The following RCSD1 variants were observed in gnomAD, a reference collection of about 807,000 sequenced individuals.
RCSD1 encodes the protein RCSD domain containing 1, also known as capZ-interacting protein.
RCSD1 carries 26 observed loss-of-function variants against 42.5 expected under a neutral mutation model. The ratio of observed to expected loss-of-function variants is 0.61; its 90% CI spans 0.45 to 0.85. RCSD1 has a LOEUF of 0.85. Ranked by LOEUF, RCSD1 falls within the 40% of genes least tolerant of loss-of-function variation. RCSD1 has a pLI of 0.00. For missense variants in RCSD1, 571 were observed against 528.3 expected (o/e 1.08, Z -0.79); for synonymous variants, 220 against 212.2 (o/e 1.04, Z -0.32).
chr1:167,661,556 C>T (rs1313409695), intron 1 of RCSD1, among the ~76,000 whole-genome samples: 4 of 152,224 alleles, frequency 2.6e-5, no homozygotes, highest in East Asian at 3.8e-4. Context: ...GGCTGGAAGC[C>T]ACTAAGAGTG....
intron 1 of RCSD1, among the ~76,000 whole-genome samples, chr1:167,680,323 T>C (rs1659048156): frequency 6.6e-6 from 1 of 151,880 alleles, no homozygotes; most frequent in Admixed American, 6.6e-5. Flanking sequence ...CATCTGGGTA[T>C]GGTCCATGGG....
chr1:167,699,132 T>G (rs985476437), intron 6 of RCSD1, among the ~76,000 whole-genome samples: 1 of 152,122 alleles, frequency 6.6e-6, no homozygotes, highest in Non-Finnish European at 1.5e-5. Flanking sequence ...TCCACTTTTT[T>G]TTCCCCCTGC....
chr1:167,670,755 T>C (rs1051388350), intron 1 of RCSD1, among the ~76,000 whole-genome samples: 1 of 151,964 alleles, frequency 6.6e-6, no homozygotes, highest in African/African-American at 2.4e-5. Context: ...TAAATGACAC[T>C]CCTCTCCACC....
chr1:167,630,508 G>A, intron 1 of RCSD1, 79 bp downstream of exon 1: 8 of 1,393,846 alleles, frequency 5.7e-6, no homozygotes, highest in Non-Finnish European at 5.7e-6. Flanking sequence ...GGCTGCCCCT[G>A]CCCTGAGCAT....
intron 1 of RCSD1, among the ~76,000 whole-genome samples, chr1:167,673,842 C>A (rs193058315): frequency 9.9e-5 from 15 of 152,224 alleles, no homozygotes; most frequent in African/African-American, 3.6e-4. Flanking sequence ...CCCCTCATGC[C>A]CACCTTCTCT....
intron 1 of RCSD1, among the ~76,000 whole-genome samples, chr1:167,673,401 G>A (rs1658860188): frequency 6.6e-6 from 1 of 152,204 alleles, no homozygotes; most frequent in African/African-American, 2.4e-5. Flanking sequence ...AAGTCCACAT[G>A]TTGCAGCACA....
intron 1 of RCSD1, among the ~76,000 whole-genome samples, chr1:167,649,622 T>G (rs745637475): frequency 6.6e-6 from 1 of 152,150 alleles, no homozygotes; most frequent in African/African-American, 2.4e-5. Flanking sequence ...GAGCATGGTA[T>G]GAGGCCTTTA....
intron 1 of RCSD1, among the ~76,000 whole-genome samples, chr1:167,672,614 T>G (rs1351763364): frequency 1.3e-5 from 2 of 152,204 alleles, no homozygotes; most frequent in Non-Finnish European, 1.5e-5. Context: ...CTCACTCTTC[T>G]GCCATCCTCT....
Position 167,630,388 on chromosome 1 carries a change from C to CG in RCSD1, c.-33dup. 1 of 1,505,218 alleles carries CG rather than the reference C, an allele frequency of 6.6e-7. No individual in the cohort carries two copies. The highest frequency in any genetic ancestry group is 1.3e-5 in the South Asian group (1 of 77,612). 93.2% of individuals were successfully genotyped at this position (1,505,218 alleles called of 1,614,324 possible). On this transcript the variant is annotated 5_prime_UTR_variant, in exon 1 of 7. Transcript: ENST00000367854. ...GATCGTGAGCTCCGGCCCGGGCGAG[C>CG]GGGTGCGTCTGCCGCAGAGTCGGCA... is the stretch of plus-strand genomic sequence containing the variant.
At chr1:167,634,893 C>T (rs1246064810) in intron 1 of RCSD1, among the ~76,000 whole-genome samples, 1 of 151,852 alleles carries the variant, frequency 6.6e-6, no homozygotes, top group Non-Finnish European at 1.5e-5. Flanking sequence ...AATTATGGAG[C>T]TCTCATGTCT....
At chr1:167,677,053 A>C (rs1658968987) in intron 1 of RCSD1, among the ~76,000 whole-genome samples, 1 of 152,226 alleles carries the variant, frequency 6.6e-6, no homozygotes, top group Non-Finnish European at 1.5e-5. Flanking sequence ...ACAAGTGGTT[A>C]GGTAGGGGAC....
intron 1 of RCSD1, among the ~76,000 whole-genome samples, chr1:167,679,095 A>G (rs1659018718): frequency 6.6e-6 from 1 of 152,260 alleles, no homozygotes; most frequent in African/African-American, 2.4e-5. Context: ...GGCCTAGACC[A>G]GTAAATGCCT....
intron 1 of RCSD1, among the ~76,000 whole-genome samples, chr1:167,675,954 T>A (rs1047820800): frequency 8.5e-5 from 13 of 152,228 alleles, no homozygotes; most frequent in African/African-American, 2.6e-4. Flanking sequence ...GATGCAAGCC[T>A]AGGCATCCCT....
chr1:167,701,020 G>C (rs1659624407), intron 6 of RCSD1, among the ~76,000 whole-genome samples: 1 of 152,156 alleles, frequency 6.6e-6, no homozygotes, highest in Non-Finnish European at 1.5e-5. Flanking sequence ...CAGGAGCTCT[G>C]GGGCAGGCTC....
chr1:167,656,633 A>G (rs951859764), intron 1 of RCSD1, among the ~76,000 whole-genome samples: 2 of 152,218 alleles, frequency 1.3e-5, no homozygotes, highest in Non-Finnish European at 2.9e-5. Context: ...AGAGCTGAGG[A>G]ACAGCAGCTC....
At chr1:167,656,788 T>G (rs563398130) in intron 1 of RCSD1, among the ~76,000 whole-genome samples, 1 of 152,236 alleles carries the variant, frequency 6.6e-6, no homozygotes, top group African/African-American at 2.4e-5. Flanking sequence ...AAGCTGGGCC[T>G]GGATGAAAAT....
At position 167,707,825 on chromosome 1, in the gene RCSD1, G is replaced by A. The variant is rs1251480656; in HGVS notation, c.*3129G>A. Among the ~76,000 whole-genome samples the A allele has an allele frequency of 6.6e-6, 1 of 152,036 alleles. No homozygotes were observed. The highest frequency in any genetic ancestry group is 1.9e-4 in the East Asian group (1 of 5,184). On this transcript the variant is annotated 3_prime_UTR_variant, in exon 7 of 7. Transcript: ENST00000367854. ...CAGTTACTTTTGCACCAACCTAATA[G>A]CTCGGATTACAAGTATGCACCACCA...
In RCSD1 at chr1:167,640,232, G is replaced by C. The variant is rs965678263; in HGVS notation, c.6+9803G>C. Among the ~76,000 whole-genome samples, 6 of 152,246 alleles carry C rather than the reference G, an allele frequency of 3.9e-5. No individual in the cohort carries two copies. The East Asian group carries it at 7.7e-4, about 20-fold the overall frequency. ...AAACGTCTCCTTTCATGGTTCTGGA[G>C]GCCGGATGTCTAAAAGCAGAGTGTC... is the stretch of plus-strand genomic sequence containing the variant. On this transcript the variant is annotated intron_variant, in intron 1 of 6. Coordinates refer to ENST00000367854, the MANE Select transcript of RCSD1 (RefSeq NM_052862.4).
At chr1:167,658,422 G>GTTGT (rs956572484) in intron 1 of RCSD1, among the ~76,000 whole-genome samples, 3 of 151,774 alleles carry the variant, frequency 2.0e-5, no homozygotes, top group Non-Finnish European at 2.9e-5. Flanking sequence ...TTTTGTTGTT[G>GTTGT]TTGTTTGTTT....
Sources: gnomAD v4.1 joint callset for allele counts (sites outside exome capture counted in the v4.1 genomes callset) on GRCh38, gnomAD v4.1.1 for gene constraint, MANE v1.5 for transcripts, NCBI Gene and HGNC (gene_info 2026-07-23, HGNC 2026-07-21) for gene names.